The following ARHGAP15 variants were observed in gnomAD, a reference collection of about 807,000 sequenced individuals.
ARHGAP15 encodes Rho GTPase activating protein 15.
A neutral mutation model predicts 63.7 loss-of-function variants in ARHGAP15; 51 were observed. The ratio of observed to expected loss-of-function variants is 0.80; its 90% CI spans 0.64 to 1.01. The LOEUF is 1.01. Among genes scored for constraint, ARHGAP15 ranks in the 50% least tolerant of loss-of-function variants. The pLI is 0.00. For synonymous variants in ARHGAP15, 191 were observed against 193.8 expected (o/e 0.99, Z 0.12); for missense variants, 560 against 564.6 (o/e 0.99, Z 0.08).
rs1007284270 is a variant in ARHGAP15, at chr2:143,491,832, C to T, written c.826+4337C>T. Among the ~76,000 whole-genome samples the T allele has an allele frequency of 5.9e-5, 9 of 151,918 alleles. No homozygotes were observed. In the East Asian group the frequency reaches 1.5e-3, roughly 26 times the overall value. ...TACTTTAGGTTTCTACTGCAATAGGCGTGAATTTTACTCAACTACACCAAG... is the reference window on the plus strand; with the variant it reads ...TACTTTAGGTTTCTACTGCAATAGGTGTGAATTTTACTCAACTACACCAAG... On this transcript the variant is annotated intron_variant, in intron 9 of 13. Transcript: ENST00000295095.
chr2:143,492,303 G>A (rs1368911050), intron 9 of ARHGAP15, among the ~76,000 whole-genome samples: 1 of 152,046 alleles, frequency 6.6e-6, no homozygotes, highest in Non-Finnish European at 1.5e-5. Flanking sequence ...GTTAACCCTA[G>A]AAAATTGAGC....
chr2:143,710,372 G>T (rs992812554), intron 13 of ARHGAP15, among the ~76,000 whole-genome samples: 3 of 152,112 alleles, frequency 2.0e-5, no homozygotes, highest in Non-Finnish European at 4.4e-5. Flanking sequence ...GATCGCGAGG[G>T]TGAAGCAATA....
At chr2:143,231,539 A>G (rs746062967) in intron 5 of ARHGAP15, among the ~76,000 whole-genome samples, 3 of 152,140 alleles carry the variant, frequency 2.0e-5, no homozygotes, top group Non-Finnish European at 4.4e-5. Context: ...CGGTGCCCCC[A>G]TCTTCTTCCT....
intron 8 of ARHGAP15, among the ~76,000 whole-genome samples, chr2:143,438,274 C>T (rs1689703226): frequency 6.6e-6 from 1 of 152,052 alleles, no homozygotes; most frequent in Non-Finnish European, 1.5e-5. Flanking sequence ...TATACATACA[C>T]ATACACACGT....
chr2:143,659,061 A>G (rs142246889), intron 12 of ARHGAP15, among the ~76,000 whole-genome samples: 22 of 152,252 alleles, frequency 1.4e-4, no homozygotes, highest in African/African-American at 3.4e-4. Flanking sequence ...TCTGTTCAAC[A>G]TTTACTTTCA....
At position 143,509,975 on chromosome 2, in the gene ARHGAP15, G is replaced by C. The variant is rs377612123; in HGVS notation, c.827-9291G>C. Among the ~76,000 whole-genome samples the C allele has an allele frequency of 1.2e-3, 143 of 120,080 alleles. 3 individuals are homozygous for C. Among genetic ancestry groups the C allele is most frequent in the African/African-American group, 4.3e-3 (138 of 31,882 alleles). 78.8% of individuals were successfully genotyped at this position (120,080 alleles called of 152,430 possible). On this transcript the variant is annotated intron_variant, in intron 9 of 13. Coordinates refer to ENST00000295095, the MANE Select transcript of ARHGAP15 (RefSeq NM_018460.4). ...GTCAGAGGTGTAGTGAGCCGAGATT[G>C]TACCACTGCACTCCAGCCTGGCGAC...
chr2:143,356,051 T>TAA (rs150584394), intron 6 of ARHGAP15, among the ~76,000 whole-genome samples: 10 of 146,924 alleles, frequency 6.8e-5, no homozygotes, highest in Non-Finnish European at 1.2e-4. Flanking sequence ...TTCATCTTAT[T>TAA]AAAAAAAAAA....
At chr2:143,597,626 A>C (rs1360349368) in intron 11 of ARHGAP15, among the ~76,000 whole-genome samples, 1 of 152,064 alleles carries the variant, frequency 6.6e-6, no homozygotes, top group Non-Finnish European at 1.5e-5. Flanking sequence ...TGTCACAGAA[A>C]GGTGGAAAGT....
intron 8 of ARHGAP15, among the ~76,000 whole-genome samples, chr2:143,469,598 T>C (rs987850838): frequency 6.6e-6 from 1 of 152,122 alleles, no homozygotes; most frequent in African/African-American, 2.4e-5. Flanking sequence ...AGAATGTTAC[T>C]AGCCTCATGC....
intron 6 of ARHGAP15, among the ~76,000 whole-genome samples, chr2:143,416,850 CA>C (rs1688711910): frequency 7.1e-6 from 1 of 141,326 alleles, no homozygotes; most frequent in African/African-American, 2.6e-5. Flanking sequence ...CCCACGCCCC[CA>C]CGCCCCCAAC....
Position 143,296,994 on chromosome 2 carries a change from G to A in ARHGAP15, c.474+46394G>A, listed in dbSNP as rs552406740. The stretch of plus-strand genomic sequence containing the variant: ...TTTTCCTTAGGTTATATGCTTATTT[G>A]TATTTCTTCTACCTGAGAAATCATA... On this transcript the variant is annotated intron_variant, in intron 6 of 13. Coordinates refer to ENST00000295095, the MANE Select transcript of ARHGAP15 (RefSeq NM_018460.4). Among the ~76,000 whole-genome samples, 62 of 151,890 alleles carry A rather than the reference G, an allele frequency of 4.1e-4. 1 individual carries two copies. The highest frequency in any genetic ancestry group is 7.8e-4 in the Non-Finnish European group (53 of 67,914).
intron 6 of ARHGAP15, among the ~76,000 whole-genome samples, chr2:143,330,104 A>AAAAC (rs1684451359): frequency 1.3e-5 from 1 of 78,526 alleles, no homozygotes; most frequent in African/African-American, 5.0e-5. Flanking sequence ...CAAAAAAAAA[A>AAAAC]AAAAAAAAAA....
chr2:143,308,664 G>T (rs1176196119), intron 6 of ARHGAP15, among the ~76,000 whole-genome samples: 5 of 152,160 alleles, frequency 3.3e-5, no homozygotes, highest in East Asian at 3.9e-4. Flanking sequence ...GCTGGGGAAT[G>T]TGATAACTGT....
At chr2:143,496,121 G>T (rs964166266) in intron 9 of ARHGAP15, among the ~76,000 whole-genome samples, 1 of 152,018 alleles carries the variant, frequency 6.6e-6, no homozygotes, top group African/African-American at 2.4e-5. Flanking sequence ...CAAGCTTCCT[G>T]GTTCCTTTGC....
chr2:143,489,869 C>T (rs1692501140), intron 9 of ARHGAP15, among the ~76,000 whole-genome samples: 1 of 152,180 alleles, frequency 6.6e-6, no homozygotes, highest in Admixed American at 6.5e-5. Flanking sequence ...TCTTCCAGAT[C>T]GGCACAAAAG....
At chr2:143,309,078 A>G (rs1489159008) in intron 6 of ARHGAP15, among the ~76,000 whole-genome samples, 1 of 151,868 alleles carries the variant, frequency 6.6e-6, no homozygotes, top group Non-Finnish European at 1.5e-5. Flanking sequence ...TTTGTAGTCT[A>G]TCAAGGACTG....
At chr2:143,406,239 T>C (rs1688193415) in intron 6 of ARHGAP15, among the ~76,000 whole-genome samples, 1 of 151,942 alleles carries the variant, frequency 6.6e-6, no homozygotes, top group African/African-American at 2.4e-5. Context: ...TAAGCTAATG[T>C]TGTTCAATTT....
chr2:143,452,139 T>C (rs1018563572), intron 8 of ARHGAP15, among the ~76,000 whole-genome samples: 1 of 152,018 alleles, frequency 6.6e-6, no homozygotes, highest in African/African-American at 2.4e-5. Flanking sequence ...ATGCTGACTC[T>C]AGGTTTTCAT....
intron 6 of ARHGAP15, among the ~76,000 whole-genome samples, chr2:143,288,177 A>G (rs1328227236): frequency 6.6e-6 from 1 of 152,180 alleles, no homozygotes; most frequent in African/African-American, 2.4e-5. Context: ...ATGGTGACAG[A>G]AGGTGTCATT....
Sources: gnomAD v4.1 joint callset for allele counts (sites outside exome capture counted in the v4.1 genomes callset) on GRCh38, gnomAD v4.1.1 for gene constraint, MANE v1.5 for transcripts, NCBI Gene and HGNC (gene_info 2026-07-23, HGNC 2026-07-21) for gene names.